The following MAP3K21 variants were observed in gnomAD, a reference collection of about 807,000 sequenced individuals.
MAP3K21 encodes the protein mitogen-activated protein kinase kinase kinase 21.
A neutral mutation model predicts 86.1 loss-of-function variants in MAP3K21; 63 were observed. That is an observed-to-expected ratio of 0.73 (90% confidence interval 0.60 to 0.90). The LOEUF is 0.90. Ranked by LOEUF, MAP3K21 falls within the 40% of genes least tolerant of loss-of-function variation. The pLI is 0.00. For synonymous variants in MAP3K21, 558 were observed against 564.8 expected (o/e 0.99, Z 0.17); for missense variants, 1,220 against 1,367.7 (o/e 0.89, Z 1.70).
chr1:233,333,057 T>C (rs1052129494), intron 1 of MAP3K21, among the ~76,000 whole-genome samples: 2 of 152,198 alleles, frequency 1.3e-5, no homozygotes, highest in African/African-American at 4.8e-5. Flanking sequence ...TATGACAAAC[T>C]GCAAAAGGAA....
rs1422467493 is a variant in MAP3K21 at position 233,328,928 on chromosome 1, T to G, written c.805+95T>G. On this transcript the variant is annotated intron_variant, in intron 1 of 9. Coordinates refer to ENST00000366624, the MANE Select transcript of MAP3K21 (RefSeq NM_032435.3). The surrounding 1 kb of genome is among the most constrained non-coding windows in gnomAD (Gnocchi z 8.7). Reference sequence around the variant, plus strand: ...AGTACCAGATGGAAAGAGGTGGGAGTCAGCCTTAGGGCGCCAGCAGCAACT... The same window carrying G: ...AGTACCAGATGGAAAGAGGTGGGAGGCAGCCTTAGGGCGCCAGCAGCAACT... 2.2e-5 allele frequency: 27 copies of G among 1,214,704 alleles called. No homozygotes were observed. Among genetic ancestry groups the G allele is most frequent in the Non-Finnish European group, 2.8e-5 (27 of 962,076 alleles). The allele number at this position is 1,214,704 out of a possible 1,614,324, so 75.2% of individuals were successfully genotyped here.
chr1:233,373,330 C>T (rs1324201570), intron 6 of MAP3K21: 2 of 152,366 alleles, frequency 1.3e-5, no homozygotes, highest in Non-Finnish European at 2.9e-5. Context: ...CACTCCTCTG[C>T]CCTCTTTCCT....
chr1:233,332,528 A>G (rs1308512509), intron 1 of MAP3K21, among the ~76,000 whole-genome samples: 1 of 152,078 alleles, frequency 6.6e-6, no homozygotes, highest in Non-Finnish European at 1.5e-5. Flanking sequence ...TTTCACTTGG[A>G]GTGATGGTGC....
rs1662719181 is a variant in MAP3K21 at position 233,327,749 on chromosome 1, G to C, written c.-280G>C. 1 of 261,188 alleles carries C rather than the reference G, an allele frequency of 3.8e-6. No homozygotes were observed. 16.2% of individuals were successfully genotyped at this position (261,188 alleles called of 1,614,324 possible). On this transcript the variant is annotated 5_prime_UTR_variant, in exon 1 of 10. Coordinates refer to ENST00000366624, the MANE Select transcript of MAP3K21 (RefSeq NM_032435.3). ...GTCCCAGGCTCTGGCTAAGGAGCGC[G>C]CGGCGGGCGGGCCGGCCGCAGGGCC...
chr1:233,352,212 T>A (rs1663263293), intron 2 of MAP3K21, among the ~76,000 whole-genome samples: 1 of 152,210 alleles, frequency 6.6e-6, no homozygotes, highest in Non-Finnish European at 1.5e-5. Context: ...TTGAAATAAT[T>A]GTACATATTT....
intron 1 of MAP3K21, among the ~76,000 whole-genome samples, chr1:233,339,586 T>A (rs759264448): frequency 6.6e-6 from 1 of 151,726 alleles, no homozygotes; most frequent in Non-Finnish European, 1.5e-5. Flanking sequence ...GCTCAAGTCA[T>A]AATCCTACCT....
At chr1:233,339,171 C>A (rs186755285) in intron 1 of MAP3K21, among the ~76,000 whole-genome samples, 1 of 152,148 alleles carries the variant, frequency 6.6e-6, no homozygotes, top group African/African-American at 2.4e-5. Flanking sequence ...AACTGTTTTG[C>A]TACAATTATT....
intron 1 of MAP3K21, among the ~76,000 whole-genome samples, chr1:233,346,105 T>C (rs1472595078): frequency 6.6e-6 from 1 of 152,166 alleles, no homozygotes; most frequent in Admixed American, 6.5e-5. Context: ...GGTCAGAAAA[T>C]AATGTATTTT....
chr1:233,382,618 T>C lies in MAP3K21; in HGVS notation c.3018T>C (p.Gly1006=). 1 of 1,614,092 alleles carries C rather than the reference T, an allele frequency of 6.2e-7. No homozygotes were observed. The highest frequency in any genetic ancestry group is 1.1e-5 in the South Asian group (1 of 91,086). ...CATTACTGGATGCTGACGTGGAAGG[T>C]CAGAGCAGGGACTACACTGTGCCAC... is the stretch of plus-strand genomic sequence containing the variant. ...VPSLLDADVE[G]QSRDYTVPLC... The change falls in exon 10 of 10, where the codon GGT becomes GGC. Residue 1006 remains glycine, a synonymous_variant. Coordinates refer to ENST00000366624, the MANE Select transcript of MAP3K21 (RefSeq NM_032435.3).
chr1:233,341,159 G>T (rs944233254), intron 1 of MAP3K21, among the ~76,000 whole-genome samples: 46 of 152,190 alleles, frequency 3.0e-4, no homozygotes, highest in African/African-American at 1.1e-3. Context: ...ATACTCACAA[G>T]AATTTACCAT....
intron 1 of MAP3K21, among the ~76,000 whole-genome samples, chr1:233,339,631 T>G (rs1290861814): frequency 6.6e-6 from 1 of 151,426 alleles, no homozygotes; most frequent in East Asian, 1.9e-4. Context: ...TATAGGCGAG[T>G]ACCATGATGC....
intron 2 of MAP3K21, among the ~76,000 whole-genome samples, chr1:233,347,068 G>A (rs568466578): frequency 6.6e-6 from 1 of 152,086 alleles, no homozygotes; most frequent in Non-Finnish European, 1.5e-5. Context: ...GTAGAGGAGC[G>A]GGGGTTTAGG....
In MAP3K21 at chr1:233,367,046, T is replaced by C. The variant is rs923280665; in HGVS notation, c.1552+4753T>C. 7.9e-5 allele frequency among the ~76,000 whole-genome samples: 12 copies of C among 152,242 alleles called. 2 individuals are homozygous for C. In the South Asian group the frequency reaches 1.9e-3, roughly 24 times the overall value. On this transcript the variant is annotated intron_variant, in intron 5 of 9. Transcript: ENST00000366624. ...TTATTTTGTGAGTACTCTATATTGA[T>C]TGCTCCTTCTGTTTATGTTTACTTT...
Position 233,328,204 on chromosome 1 carries a change from T to A in MAP3K21, c.176T>A (p.Leu59Gln). 6.7e-7 allele frequency: 1 copy of A among 1,487,376 alleles called. No individual in the cohort carries two copies. The highest frequency in any genetic ancestry group is 8.9e-7 in the Non-Finnish European group (1 of 1,126,902). 92.1% of individuals were successfully genotyped at this position (1,487,376 alleles called of 1,614,324 possible). Residue 59 changes from leucine to glutamine, a missense_variant, in exon 1 of 10, where the codon CTG becomes CAG. Physicochemically the swap from Leu to Gln is moderately radical, Grantham distance 113. Transcript: ENST00000366624. This position sits in a 1 kb window ranked among gnomAD's most constrained non-coding sequence, Gnocchi z 8.7. ...GCTCGCGGCGAGGACGAGCTGAGCC[T>A]GCGGCGCGGCCAGCTGGTGGAGGTG... ...YEARGEDELSLRRGQLVEVLS... is the reference protein window; with the variant it reads ...YEARGEDELSQRRGQLVEVLS...
intron 1 of MAP3K21, among the ~76,000 whole-genome samples, chr1:233,343,901 T>C (rs967290772): frequency 1.3e-5 from 2 of 152,230 alleles, no homozygotes; most frequent in African/African-American, 2.4e-5. Context: ...TTTATGATTA[T>C]GTTCTGCAAA....
chr1:233,340,049 C>T (rs115116346), intron 1 of MAP3K21, among the ~76,000 whole-genome samples: 2,301 of 152,212 alleles, frequency 0.015, 65 homozygotes, highest in African/African-American at 0.053. Context: ...AAGCTGCTTA[C>T]AATTTAATAA....
chr1:233,364,240 G>C (rs898372188), intron 5 of MAP3K21, among the ~76,000 whole-genome samples: 1 of 151,546 alleles, frequency 6.6e-6, no homozygotes, highest in Non-Finnish European at 1.5e-5. Flanking sequence ...GTCACTGACT[G>C]GTCTGTCTTA....
Position 233,379,707 on chromosome 1 carries a change from C to T in MAP3K21, c.2701C>T (p.Pro901Ser), listed in dbSNP as rs1347462702. Residue 901 changes from proline to serine, a missense_variant, in exon 9 of 10, where the codon CCA (proline) becomes TCA (serine). By Grantham distance (74) the Pro-to-Ser change is moderately conservative. Around this residue, in one of 5 missense-constraint regions of MAP3K21, gnomAD observed 632 missense variants for 691.3 expected, o/e 0.91. Coordinates refer to ENST00000366624, the MANE Select transcript of MAP3K21 (RefSeq NM_032435.3). ...RRTMSDGNPT[P>S]TGATIISATG... ...GACCATGTCTGATGGAAATCCGACC[C>T]CAAGTAGGTTGCATTAATTAGGTAA... The T allele has an allele frequency of 6.2e-7, 1 of 1,606,614 alleles. No individual in the cohort carries two copies. The highest frequency in any genetic ancestry group is 2.2e-5 in the East Asian group (1 of 44,816).
chr1:233,354,021 A>G, intron 3 of MAP3K21, 66 bp downstream of exon 3: 1 of 1,367,958 alleles, frequency 7.3e-7, no homozygotes. Context: ...TCATTTTTTA[A>G]AAAACAGAAA....
Sources: gnomAD v4.1 joint callset for allele counts (sites outside exome capture counted in the v4.1 genomes callset) on GRCh38, gnomAD v4.1.1 for gene constraint, gnomAD v4.1.1 regional missense constraint, Gnocchi (gnomAD v3.1) non-coding constraint, MANE v1.5 for transcripts, NCBI Gene and HGNC (gene_info 2026-07-23, HGNC 2026-07-21) for gene names.